The following RIPOR3 variants were observed in gnomAD, a reference collection of about 807,000 sequenced individuals.
The protein encoded by RIPOR3 is RIPOR family member 3, also known as family with sequence similarity 65 member C.
In RIPOR3, 95 loss-of-function variants were observed where a neutral mutation model predicts 114.3. The observed-to-expected ratio is 0.83, with a 90% CI of 0.70 to 0.99. The LOEUF (loss-of-function observed/expected upper bound fraction) is 0.99, where lower values mean the gene tolerates loss of function less well. RIPOR3 is among the 50% of genes least tolerant of loss of function. The pLI is 0.00. For synonymous variants in RIPOR3, 575 were observed against 543.8 expected, an observed-to-expected ratio of 1.06 and a Z score of -0.80; for missense variants, 1,252 against 1,266.9, an observed-to-expected ratio of 0.99 and a Z score of 0.18.
chr20:50,677,320 C>A (rs1453625992), intron 1 of RIPOR3, among the ~76,000 whole-genome samples: 3 of 151,576 alleles, frequency 2.0e-5, no homozygotes, highest in Non-Finnish European at 4.4e-5. Context: ...CTTCACAAGA[C>A]CTTCCTGTGA....
rs746783937 is a variant in RIPOR3 at position 50,616,090 on chromosome 20, A to G, written c.270-10T>C. On this transcript the variant is annotated splice_polypyrimidine_tract_variant and intron_variant, in intron 3 of 21. Coordinates refer to ENST00000327979, the MANE Select transcript of RIPOR3 (RefSeq NM_001290268.2). ...CACACACAGATACTCCCTGCAAGGA[A>G]AGCAAGGAAGAGTTTCAAATGGAAG... 60 of 1,609,570 alleles carry G rather than the reference A, an allele frequency of 3.7e-5. No homozygotes were observed. Among genetic ancestry groups the G allele is most frequent in the Non-Finnish European group, 4.8e-5 (57 of 1,178,024 alleles).
At chr20:50,648,038 G>A (rs1034898561) in intron 1 of RIPOR3, among the ~76,000 whole-genome samples, 1 of 152,064 alleles carries the variant, frequency 6.6e-6, no homozygotes, top group African/African-American at 2.4e-5. Context: ...CATTTTGGGA[G>A]GCCAAGACGG....
rs1160294428 is a variant in RIPOR3 at position 50,627,565 on chromosome 20, C to T, written c.122+3173G>A. Among the ~76,000 whole-genome samples, 17 of 151,482 alleles carry T rather than the reference C, an allele frequency of 1.1e-4. 1 individual carries two copies. Among genetic ancestry groups the T allele is most frequent in the Non-Finnish European group, 1.9e-4 (13 of 67,966 alleles). ...GGGCGTGGTGGCACGCTCCTGTAAT[C>T]CCAGCTACTCAGGAGGCTGAGGCAG... On this transcript the variant is annotated intron_variant, in intron 2 of 21. Coordinates refer to ENST00000327979, the MANE Select transcript of RIPOR3 (RefSeq NM_001290268.2).
In RIPOR3 at chr20:50,666,729, T is replaced by C. The variant is rs140550692; in HGVS notation, c.3+24397A>G. Among the ~76,000 whole-genome samples, 74 of 152,078 alleles carry C rather than the reference T, an allele frequency of 4.9e-4. No homozygotes were observed. The East Asian group carries it at 9.7e-3, about 20-fold the overall frequency. On this transcript the variant is annotated intron_variant, in intron 1 of 21. Coordinates refer to ENST00000327979, the MANE Select transcript of RIPOR3 (RefSeq NM_001290268.2). ...GCGTGTGCCACCATGCCCAGCTAATTTTTGTATTTTTTGTAGCAATGGGGT... is the reference window on the plus strand; with the variant it reads ...GCGTGTGCCACCATGCCCAGCTAATCTTTGTATTTTTTGTAGCAATGGGGT...
chr20:50,603,844 A>T (rs965662146), intron 12 of RIPOR3, among the ~76,000 whole-genome samples: 2 of 152,188 alleles, frequency 1.3e-5, no homozygotes, highest in African/African-American at 4.8e-5. Flanking sequence ...CAGTAATCCC[A>T]TAAGGGCAGT....
At chr20:50,621,547 G>A (rs73272575) in intron 2 of RIPOR3, among the ~76,000 whole-genome samples, 1,580 of 152,312 alleles carry the variant, frequency 0.01, 39 homozygotes, top group African/African-American at 0.036. Context: ...GATCAAGCCT[G>A]GCCAGTAGCC....
chr20:50,595,290 C>T (rs759192371), intron 16 of RIPOR3, 79 bp downstream of exon 16: 40 of 1,557,392 alleles, frequency 2.6e-5, no homozygotes, highest in Non-Finnish European at 3.1e-5. Flanking sequence ...ATTAGGAAGG[C>T]AGAAGAGGCT....
At chr20:50,610,233 C>A (rs1177354972) in intron 6 of RIPOR3, among the ~76,000 whole-genome samples, 2 of 151,664 alleles carry the variant, frequency 1.3e-5, no homozygotes, top group African/African-American at 4.8e-5. Context: ...GCCTCTCCTG[C>A]CTCTCCTGCC....
At chr20:50,684,977 G>T (rs565842180) in intron 1 of RIPOR3, among the ~76,000 whole-genome samples, 1 of 152,094 alleles carries the variant, frequency 6.6e-6, no homozygotes, top group Non-Finnish European at 1.5e-5. Flanking sequence ...CAAAGGTCTT[G>T]CTATGTTGAC....
At chr20:50,656,511 C>T (rs1268071512) in intron 1 of RIPOR3, among the ~76,000 whole-genome samples, 2 of 152,006 alleles carry the variant, frequency 1.3e-5, no homozygotes, top group East Asian at 1.9e-4. Flanking sequence ...AACAGTATAG[C>T]GTATACAGTT....
chr20:50,652,218 G>A (rs1012553612), intron 1 of RIPOR3, among the ~76,000 whole-genome samples: 4 of 152,148 alleles, frequency 2.6e-5, no homozygotes, highest in Non-Finnish European at 2.9e-5. Context: ...TCTGTCCCTG[G>A]CATGTACTCT....
intron 11 of RIPOR3, among the ~76,000 whole-genome samples, chr20:50,607,071 G>A (rs548799558): frequency 1.6e-4 from 24 of 152,222 alleles, no homozygotes; most frequent in South Asian, 4.2e-4. Flanking sequence ...TCATTCCTGC[G>A]TTTCATTCCC....
chr20:50,629,118 CGGGAGGGGAGGGA>C (rs774959087), intron 2 of RIPOR3, among the ~76,000 whole-genome samples: 8 of 151,962 alleles, frequency 5.3e-5, no homozygotes, highest in Non-Finnish European at 1.0e-4. Flanking sequence ...GCCCTGAGGC[CGGGAGGGGAGGGA>C]GGTAGGCTGC....
At chr20:50,611,812 A>G (rs2123087577) in intron 4 of RIPOR3, among the ~76,000 whole-genome samples, 1 of 152,336 alleles carries the variant, frequency 6.6e-6, no homozygotes. Context: ...ACGGCGCCCC[A>G]TGCCAAGATC....
chr20:50,634,799 A>T (rs1361260452), intron 1 of RIPOR3, among the ~76,000 whole-genome samples: 1 of 152,242 alleles, frequency 6.6e-6, no homozygotes, highest in Non-Finnish European at 1.5e-5. Context: ...TTGGGAGGCC[A>T]AGGTGGGTGG....
chr20:50,674,827 A>G (rs6063546), intron 1 of RIPOR3, among the ~76,000 whole-genome samples: 72,322 of 151,428 alleles, frequency 0.48, 21,164 homozygotes, highest in Non-Finnish European at 0.63. Flanking sequence ...TTACATCTGT[A>G]ATCCTAGAAC....
chr20:50,593,822 T>G (rs1340784605), intron 17 of RIPOR3, among the ~76,000 whole-genome samples: 1 of 152,082 alleles, frequency 6.6e-6, no homozygotes, highest in Admixed American at 6.6e-5. Context: ...CTGTCACCTT[T>G]CACTTGCTCC....
chr20:50,628,533 C>A (rs1249881685), intron 2 of RIPOR3, among the ~76,000 whole-genome samples: 1 of 152,114 alleles, frequency 6.6e-6, no homozygotes, highest in Non-Finnish European at 1.5e-5. Context: ...AGATCCACTT[C>A]TTCTGTCCCT....
chr20:50,668,653 T>C (rs1404785469), intron 1 of RIPOR3, among the ~76,000 whole-genome samples: 1 of 151,992 alleles, frequency 6.6e-6, no homozygotes, highest in African/African-American at 2.4e-5. Context: ...GGTCAGGAGT[T>C]CAAGGCCAGA....
Sources: gnomAD v4.1 joint callset for allele counts (sites outside exome capture counted in the v4.1 genomes callset) on GRCh38, gnomAD v4.1.1 for gene constraint, MANE v1.5 for transcripts, NCBI Gene and HGNC (gene_info 2026-07-23, HGNC 2026-07-21) for gene names.